STK31: variants seen among roughly 807,000 people sequenced by gnomAD.
STK31 encodes the protein serine/threonine kinase 31.
In STK31, 89 loss-of-function variants were observed where a neutral mutation model predicts 129.7. That is an observed-to-expected ratio of 0.69 (90% confidence interval 0.58 to 0.82). STK31 has a LOEUF of 0.82. STK31 is among the 40% of genes least tolerant of loss of function. The pLI is 0.00. For synonymous variants in STK31, 448 were observed against 395.3 expected, an observed-to-expected ratio of 1.13 and a Z score of -1.58; for missense variants, 1,187 against 1,176.4, an observed-to-expected ratio of 1.01 and a Z score of -0.13.
intron 4 of STK31, 26 bp from the exon 5 acceptor site, chr7:23,727,215 A>G: frequency 6.2e-7 from 1 of 1,602,872 alleles, no homozygotes; most frequent in Non-Finnish European, 8.5e-7. Flanking sequence ...AATGCCAAGT[A>G]ATTTTGCTTT....
intron 22 of STK31, among the ~76,000 whole-genome samples, chr7:23,799,325 A>G (rs1481033281): frequency 3.3e-5 from 5 of 152,202 alleles, no homozygotes; most frequent in Non-Finnish European, 1.5e-5. Flanking sequence ...GCATCATGCT[A>G]CCTGACTTCA....
In STK31 at chr7:23,772,128, G is replaced by T. The variant is rs143277635; in HGVS notation, c.1834-19G>T. The T allele has an allele frequency of 6.6e-7, 1 of 1,507,014 alleles. No individual in the cohort carries two copies. The highest frequency in any genetic ancestry group is 9.0e-7 in the Non-Finnish European group (1 of 1,115,606). The allele number at this position is 1,507,014 out of a possible 1,614,324, so 93.4% of individuals were successfully genotyped here. A position where few individuals can be genotyped will look rare whatever the true frequency, so the allele number is the denominator to read the frequency against. On this transcript the variant is annotated intron_variant, in intron 14 of 23. Transcript: ENST00000355870. Reference sequence around the variant, plus strand: ...ACTTTTCTTATGTGTTTGAAAATACGTAACTTTTGTTTACTTAGTTTAAAA... The same window carrying T: ...ACTTTTCTTATGTGTTTGAAAATACTTAACTTTTGTTTACTTAGTTTAAAA...
intron 23 of STK31, among the ~76,000 whole-genome samples, chr7:23,822,477 T>C (rs1039417261): frequency 6.6e-6 from 1 of 152,234 alleles, no homozygotes; most frequent in African/African-American, 2.4e-5. Flanking sequence ...TTTTTACATG[T>C]TGATTCTATA....
chr7:23,817,151 G>A (rs1271279089), intron 23 of STK31, among the ~76,000 whole-genome samples: 4 of 152,036 alleles, frequency 2.6e-5, no homozygotes, highest in African/African-American at 9.7e-5. Context: ...TTGTGCCATT[G>A]CACTCCAGCC....
At chr7:23,826,006 C>T (rs1052301084) in intron 23 of STK31, among the ~76,000 whole-genome samples, 83 of 152,166 alleles carry the variant, frequency 5.5e-4, no homozygotes, top group African/African-American at 1.9e-3. Flanking sequence ...CTGAGGAGAG[C>T]TTTACTTCCA....
intron 8 of STK31, among the ~76,000 whole-genome samples, chr7:23,739,263 A>C (rs1397593541): frequency 6.6e-6 from 1 of 152,198 alleles, no homozygotes; most frequent in Admixed American, 6.5e-5. Context: ...TTTTGGCCGC[A>C]TAAATGTCTT....
At chr7:23,750,494 C>T (rs1788647896) in intron 8 of STK31, among the ~76,000 whole-genome samples, 1 of 152,136 alleles carries the variant, frequency 6.6e-6, no homozygotes, top group Admixed American at 6.5e-5. Context: ...ACATGTGAAA[C>T]CAAAACCTGA....
intron 15 of STK31, among the ~76,000 whole-genome samples, chr7:23,779,636 T>C (rs1790784156): frequency 6.6e-6 from 1 of 151,878 alleles, no homozygotes; most frequent in Non-Finnish European, 1.5e-5. Context: ...GTTTACACTG[T>C]GAGGGGAAAA....
At chr7:23,801,234 T>C (rs1486737598) in intron 22 of STK31, among the ~76,000 whole-genome samples, 1 of 152,216 alleles carries the variant, frequency 6.6e-6, no homozygotes, top group African/African-American at 2.4e-5. Context: ...TATTATCTTC[T>C]ATTTTAGCCA....
intron 16 of STK31, among the ~76,000 whole-genome samples, chr7:23,782,237 C>A (rs1464027732): frequency 1.3e-5 from 2 of 151,922 alleles, no homozygotes; most frequent in Non-Finnish European, 2.9e-5. Context: ...CTTTGGGAGG[C>A]CGAGGCGGGC....
intron 3 of STK31, among the ~76,000 whole-genome samples, chr7:23,713,718 G>T (rs556772666): frequency 5.3e-5 from 8 of 151,962 alleles, no homozygotes; most frequent in Non-Finnish European, 7.4e-5. Context: ...CCTACTAGAA[G>T]GTCTTCAGGG....
At chr7:23,755,600 C>T (rs1317892209) in intron 10 of STK31, among the ~76,000 whole-genome samples, 2 of 152,106 alleles carry the variant, frequency 1.3e-5, no homozygotes, top group African/African-American at 4.8e-5. Flanking sequence ...ACGCTATTGC[C>T]TGGGTTTTCT....
At chr7:23,746,918 C>G (rs1562567956) in intron 8 of STK31, among the ~76,000 whole-genome samples, 1 of 151,490 alleles carries the variant, frequency 6.6e-6, no homozygotes, top group Admixed American at 6.6e-5. Flanking sequence ...AAACTTTTTA[C>G]TTTTTTTTCT....
intron 8 of STK31, among the ~76,000 whole-genome samples, chr7:23,751,667 A>C (rs1273076030): frequency 2.0e-5 from 3 of 152,150 alleles, no homozygotes; most frequent in Non-Finnish European, 4.4e-5. Context: ...TGAAATCTAA[A>C]TATTATTGTA....
intron 10 of STK31, among the ~76,000 whole-genome samples, chr7:23,761,398 A>G (rs1487413356): frequency 6.6e-6 from 1 of 151,044 alleles, no homozygotes; most frequent in East Asian, 1.9e-4. Flanking sequence ...ATAGTTCTTT[A>G]ACTTGATTGC....
chr7:23,765,588 A>T (rs1789771543), intron 11 of STK31, among the ~76,000 whole-genome samples: 1 of 114,350 alleles, frequency 8.7e-6, no homozygotes, highest in Admixed American at 1.2e-4. Context: ...ATGGAGTCTC[A>T]CTCTGTTACC....
intron 10 of STK31, among the ~76,000 whole-genome samples, chr7:23,757,054 C>G (rs903062142): frequency 6.6e-6 from 1 of 152,092 alleles, no homozygotes; most frequent in Non-Finnish European, 1.5e-5. Flanking sequence ...GGAATAGTTT[C>G]AAAAGGAATG....
intron 11 of STK31, among the ~76,000 whole-genome samples, chr7:23,763,688 ATCTC>A (rs1467272209): frequency 6.6e-6 from 1 of 150,492 alleles, no homozygotes; most frequent in Non-Finnish European, 1.5e-5. Context: ...AACTCTGCTG[ATCTC>A]TCTTTTAGTT....
intron 22 of STK31, chr7:23,811,373 A>G: frequency 2.7e-6 from 1 of 364,992 alleles, no homozygotes; most frequent in Admixed American, 3.1e-5. Flanking sequence ...GATTGATTTA[A>G]TGTAATCTTT....
Sources: allele counts gnomAD v4.1 joint callset (sites outside exome capture counted in the v4.1 genomes callset), GRCh38; gene constraint gnomAD v4.1.1; transcripts MANE v1.5; gene names NCBI Gene and HGNC (gene_info 2026-07-23, HGNC 2026-07-21).